RABGAP1L: variants seen among roughly 807,000 people sequenced by gnomAD.
RABGAP1L encodes RAB GTPase activating protein 1 like.
In RABGAP1L, 63 loss-of-function variants were observed where a neutral mutation model predicts 137.7. The ratio of observed to expected loss-of-function variants is 0.46; its 90% CI spans 0.37 to 0.56. The LOEUF (loss-of-function observed/expected upper bound fraction) is 0.56, where lower values mean the gene tolerates loss of function less well. Ranked by LOEUF, RABGAP1L falls within the 20% of genes least tolerant of loss-of-function variation. RABGAP1L has a pLI of 0.00. For synonymous variants in RABGAP1L, 431 were observed against 433.7 expected (o/e 0.99, Z 0.08); for missense variants, 1,095 against 1,244.0 (o/e 0.88, Z 1.80).
intron 7 of RABGAP1L, among the ~76,000 whole-genome samples, chr1:174,253,320 T>C (rs1368748322): frequency 6.6e-6 from 1 of 152,132 alleles, no homozygotes; most frequent in Non-Finnish European, 1.5e-5. Context: ...GGTGGGGGTA[T>C]GGGGCAAAGG....
chr1:174,692,501 G>T (rs903130232), intron 15 of RABGAP1L, among the ~76,000 whole-genome samples: 2 of 152,168 alleles, frequency 1.3e-5, no homozygotes, highest in African/African-American at 4.8e-5. Flanking sequence ...CCTTGAAACT[G>T]CAGTTTGTCT....
rs562370417 is a variant in RABGAP1L, at chr1:174,911,705, A to G, written c.2341-45752A>G. ...TTCTTCTAAGCTGCTGAACATAGAGACACATGACTGAGCAGTAGGAGGTGC... is the reference window on the plus strand; with the variant it reads ...TTCTTCTAAGCTGCTGAACATAGAGGCACATGACTGAGCAGTAGGAGGTGC... On this transcript the variant is annotated intron_variant, in intron 19 of 25. Coordinates refer to ENST00000681986, the MANE Select transcript of RABGAP1L (RefSeq NM_001366446.1). 2.0e-5 allele frequency among the ~76,000 whole-genome samples: 3 copies of G among 152,344 alleles called. No individual in the cohort carries two copies. The South Asian group carries it at 6.2e-4, about 32-fold the overall frequency.
At chr1:174,837,919 T>A (rs905550384) in intron 19 of RABGAP1L, among the ~76,000 whole-genome samples, 4 of 152,196 alleles carry the variant, frequency 2.6e-5, no homozygotes, top group African/African-American at 9.6e-5. Flanking sequence ...GAAATGTAAT[T>A]ATAAGTAAGC....
chr1:174,626,286 T>C (rs1157323361), intron 13 of RABGAP1L, among the ~76,000 whole-genome samples: 1 of 152,238 alleles, frequency 6.6e-6, no homozygotes, highest in Admixed American at 6.5e-5. Context: ...AAATCCAGGC[T>C]ATGCCCATAG....
chr1:174,405,775 C>G (rs1292607538), intron 13 of RABGAP1L, among the ~76,000 whole-genome samples: 1 of 151,850 alleles, frequency 6.6e-6, no homozygotes, highest in Non-Finnish European at 1.5e-5. Context: ...CCTAGGAGTT[C>G]GAGACCAGCC....
At chr1:174,281,737 T>G (rs1675577086) in intron 10 of RABGAP1L, among the ~76,000 whole-genome samples, 1 of 152,236 alleles carries the variant, frequency 6.6e-6, no homozygotes, top group South Asian at 2.1e-4. Flanking sequence ...TTTATTGAGG[T>G]AGTTAGCATA....
intron 13 of RABGAP1L, among the ~76,000 whole-genome samples, chr1:174,587,578 A>C (rs1196993088): frequency 6.6e-6 from 1 of 152,120 alleles, no homozygotes; most frequent in Non-Finnish European, 1.5e-5. Context: ...GTACCATTAT[A>C]ATCAGACACT....
At chr1:174,886,803 C>T (rs1655224717) in intron 19 of RABGAP1L, among the ~76,000 whole-genome samples, 1 of 143,010 alleles carries the variant, frequency 7.0e-6, no homozygotes, top group Non-Finnish European at 1.5e-5. Context: ...GCATTGCCAC[C>T]ATTTAATTCT....
chr1:174,467,138 A>T (rs562469070), intron 13 of RABGAP1L, among the ~76,000 whole-genome samples: 3 of 152,338 alleles, frequency 2.0e-5, no homozygotes, highest in African/African-American at 7.2e-5. Context: ...ATACACAGCT[A>T]GTTTTCTGCC....
chr1:174,292,360 T>G (rs1676713774), intron 10 of RABGAP1L, among the ~76,000 whole-genome samples: 1 of 128,910 alleles, frequency 7.8e-6, no homozygotes, highest in Admixed American at 8.3e-5. Flanking sequence ...TTTTTTTTAC[T>G]GCTTTTTTCC....
At chr1:174,518,998 A>G (rs966988303) in intron 13 of RABGAP1L, among the ~76,000 whole-genome samples, 6 of 152,098 alleles carry the variant, frequency 3.9e-5, no homozygotes, top group Non-Finnish European at 8.8e-5. Context: ...ATGGTTCAGT[A>G]TAATTTTTTC....
chr1:174,259,427 A>G (rs1439544344), intron 7 of RABGAP1L, among the ~76,000 whole-genome samples: 5 of 152,250 alleles, frequency 3.3e-5, no homozygotes, highest in African/African-American at 4.8e-5. Context: ...AACTTGACCA[A>G]GGCTATAAAA....
At chr1:174,696,672 C>T (rs1572841805) in intron 15 of RABGAP1L, among the ~76,000 whole-genome samples, 1 of 152,174 alleles carries the variant, frequency 6.6e-6, no homozygotes, top group Non-Finnish European at 1.5e-5. Context: ...AGTACCAGTG[C>T]AAAGTCCCAC....
chr1:174,572,571 C>T (rs540507700), intron 13 of RABGAP1L, among the ~76,000 whole-genome samples: 9 of 152,082 alleles, frequency 5.9e-5, no homozygotes, highest in Admixed American at 3.3e-4. Flanking sequence ...TTAGTAGAGA[C>T]GGGGTTTCAC....
chr1:174,375,641 T>C (rs181607917), intron 12 of RABGAP1L, among the ~76,000 whole-genome samples: 3 of 152,258 alleles, frequency 2.0e-5, no homozygotes, highest in Admixed American at 1.3e-4. Flanking sequence ...AGTCATAAAT[T>C]GCCAAAGCTT....
intron 16 of RABGAP1L, among the ~76,000 whole-genome samples, chr1:174,700,194 A>G (rs138130328): frequency 3.9e-4 from 60 of 152,356 alleles, no homozygotes; most frequent in Middle Eastern, 6.8e-3. Flanking sequence ...ATCCTTTTAT[A>G]TATACCAAAT....
intron 19 of RABGAP1L, among the ~76,000 whole-genome samples, chr1:174,918,584 A>C (rs1661257582): frequency 1.3e-5 from 2 of 152,122 alleles, no homozygotes; most frequent in Admixed American, 1.3e-4. Context: ...GGAGTTAGAG[A>C]TCAGCCTGGG....
At position 174,744,584 on chromosome 1, in the gene RABGAP1L, G is replaced by A. The variant is rs762985707; in HGVS notation, c.2170-7729G>A. ...CTCCTGATAGAATGCACTGAGAAGG[G>A]CACAGCATCACTTCTGTGGTATTTG... is the stretch of plus-strand genomic sequence containing the variant. On this transcript the variant is annotated intron_variant, in intron 17 of 25. Transcript: ENST00000681986. 3.4e-4 allele frequency among the ~76,000 whole-genome samples: 51 copies of A among 152,128 alleles called. 1 individual carries two copies. Among genetic ancestry groups the A allele is most frequent in the Non-Finnish European group, 5.7e-4 (39 of 68,020 alleles).
intron 19 of RABGAP1L, among the ~76,000 whole-genome samples, chr1:174,898,226 T>G (rs529421444): frequency 1.3e-5 from 2 of 152,234 alleles, no homozygotes; most frequent in Non-Finnish European, 2.9e-5. Flanking sequence ...GTAAGTACAG[T>G]TTTTCAGGCC....
Sources: gnomAD v4.1 joint callset for allele counts (sites outside exome capture counted in the v4.1 genomes callset) on GRCh38, gnomAD v4.1.1 for gene constraint, MANE v1.5 for transcripts, NCBI Gene and HGNC (gene_info 2026-07-23, HGNC 2026-07-21) for gene names.